Variants in SPEG observed in about 807,000 individuals in gnomAD.
SPEG encodes striated muscle preferentially expressed protein kinase.
SPEG carries 114 observed loss-of-function variants against 300.4 expected under a neutral mutation model. The observed-to-expected ratio is 0.38, with a 90% confidence interval of 0.33 to 0.44. The LOEUF (loss-of-function observed/expected upper bound fraction) is 0.44, where lower values mean the gene tolerates loss of function less well. SPEG is among the 20% of genes least tolerant of loss of function. SPEG has a pLI of 1.00. For synonymous variants in SPEG, 1,964 were observed against 2,018.9 expected, an observed-to-expected ratio of 0.97 and a Z score of 0.73; for missense variants, 4,201 against 4,586.2, an observed-to-expected ratio of 0.92 and a Z score of 2.43.
At chr2:219,462,690 T>C (rs895170547) in intron 8 of SPEG, among the ~76,000 whole-genome samples, 15 of 152,210 alleles carry the variant, frequency 9.9e-5, no homozygotes, top group Non-Finnish European at 2.2e-4. Context: ...GTGAGGCGAA[T>C]GGATCACTTG....
At chr2:219,471,398 G>A (rs2125481886) in intron 13 of SPEG, among the ~76,000 whole-genome samples, 1 of 152,288 alleles carries the variant, frequency 6.6e-6, no homozygotes, top group South Asian at 2.1e-4. Context: ...TCCTCCTGGA[G>A]GGCTTCCCTG....
In SPEG at chr2:219,480,540, TCCTGTG is replaced by T; in HGVS notation, c.5343-128_5343-123del. On this transcript the variant is annotated intron_variant, in intron 25 of 40. Transcript: ENST00000312358. This position sits in a 1 kb window ranked among gnomAD's most constrained non-coding sequence, Gnocchi z 5.3. The stretch of plus-strand genomic sequence containing the variant: ...TCAGGGTCCTCCCTGAAGAAGCCAC[TCCTGTG>T]CCCATTGTCCATGGCAGTGTTCCCA... 1.1e-6 allele frequency: 1 copy of T among 922,054 alleles called. No individual in the cohort carries two copies. Among genetic ancestry groups the T allele is most frequent in the Non-Finnish European group, 1.8e-6 (1 of 562,856 alleles). The allele number at this position is 922,054 out of a possible 1,614,324, so 57.1% of individuals were successfully genotyped here.
In SPEG at chr2:219,492,672, G is replaced by A; in HGVS notation, c.9690G>A (p.Thr3230=). ...ACCTGATGAAGCTGCGCCGCCAGAC[G>A]CTCACCTTCACCACCAACCGGCTCA... ...DAYLMKLRRQ[T]LTFTTNRLKE... is the part of the protein sequence containing the mutation. Residue 3230 remains threonine, a synonymous_variant, in exon 41 of 41, where the codon ACG becomes ACA. Coordinates refer to ENST00000312358, the MANE Select transcript of SPEG (RefSeq NM_005876.5). The A allele has an allele frequency of 3.7e-6, 6 of 1,610,544 alleles. No individual in the cohort carries two copies. The highest frequency in any genetic ancestry group is 3.4e-6 in the Non-Finnish European group (4 of 1,179,960).
In SPEG at chr2:219,451,324, G is replaced by T. The variant is rs777264855; in HGVS notation, c.2257+45G>T. The T allele has an allele frequency of 1.3e-6, 2 of 1,560,162 alleles. No individual in the cohort carries two copies. Among genetic ancestry groups the T allele is most frequent in the East Asian group, 4.6e-5 (2 of 43,762 alleles). ...CAAGGTGCGGTCGAGGTTGGGAGGG[G>T]GTGTGTGAGAAGGGAAGGGGAGGTT... On this transcript the variant is annotated intron_variant, in intron 5 of 40. Transcript: ENST00000312358. The surrounding 1 kb of genome is among the most constrained non-coding windows in gnomAD (Gnocchi z 6.4).
At chr2:219,468,470 C>T in intron 10 of SPEG, 108 bp from the exon 11 acceptor site, 2 of 1,296,950 alleles carry the variant, frequency 1.5e-6, no homozygotes, top group South Asian at 1.4e-5. Flanking sequence ...CTTTGCTGGG[C>T]TCTGCCCAGG....
At position 219,489,106 on chromosome 2, in the gene SPEG, C is replaced by T. The variant is rs754183008; in HGVS notation, c.8202C>T (p.Asn2734=). The stretch of plus-strand genomic sequence containing the variant: ...CAGGCATCCCCGACTGTTACTACAA[C>T]GTGACCCACCTGCCAGTTGGCGTGA... The part of the protein sequence containing the change: ...VSSGIPDCYY[N]VTHLPVGVTV... The change falls in exon 35 of 41, where the codon AAC becomes AAT. Residue 2734 remains asparagine, a synonymous_variant. Transcript: ENST00000312358. The T allele has an allele frequency of 1.3e-5, 21 of 1,613,872 alleles. No individual in the cohort carries two copies. Among genetic ancestry groups the T allele is most frequent in the East Asian group, 4.5e-5 (2 of 44,894 alleles).
Position 219,488,636 on chromosome 2 carries a change from T to A in SPEG, c.7997T>A (p.Ile2666Asn). 1 of 1,608,966 alleles carries A rather than the reference T, an allele frequency of 6.2e-7. No homozygotes were observed. The highest frequency in any genetic ancestry group is 8.5e-7 in the Non-Finnish European group (1 of 1,177,316). ...ECSATNVLGS[I>N]TSSCTVAVAR... is the part of the protein sequence containing the mutation. ...TCGGCCACCAACGTACTGGGCAGCATCACCAGCTCCTGTACCGTGGCTGTG... is the reference window on the plus strand; with the variant it reads ...TCGGCCACCAACGTACTGGGCAGCAACACCAGCTCCTGTACCGTGGCTGTG... Residue 2666 changes from isoleucine (I) to asparagine (N), a missense_variant, in exon 33 of 41, where the codon ATC (isoleucine) becomes AAC (asparagine). Ile to Asn is a moderately radical substitution (Grantham distance 149). This residue lies in a region of SPEG where 1,578 missense variants were observed against 1,506.0 expected (regional missense o/e 1.05). Transcript: ENST00000312358.
At chr2:219,487,022 C>T (rs932130827) in intron 31 of SPEG, among the ~76,000 whole-genome samples, 2 of 152,122 alleles carry the variant, frequency 1.3e-5, no homozygotes, top group Non-Finnish European at 2.9e-5. Flanking sequence ...CCCCACAATT[C>T]TTCAGACAGG....
At position 219,493,251 on chromosome 2, in the gene SPEG, G is replaced by A. The variant is rs572118925; in HGVS notation, c.*465G>A. 57 of 361,188 alleles carry A rather than the reference G, an allele frequency of 1.6e-4. No individual in the cohort carries two copies. Among genetic ancestry groups the A allele is most frequent in the Non-Finnish European group, 2.7e-4 (49 of 183,630 alleles). The allele number at this position is 361,188 out of a possible 1,614,324, so 22.4% of individuals were successfully genotyped here. Reference sequence around the variant, plus strand: ...GCGGGGGCAGGACACAGATACAGTGGCAGGGGCCCAGGGCTGGGACATGAG... The same window carrying A: ...GCGGGGGCAGGACACAGATACAGTGACAGGGGCCCAGGGCTGGGACATGAG... On this transcript the variant is annotated 3_prime_UTR_variant, in exon 41 of 41. Coordinates refer to ENST00000312358, the MANE Select transcript of SPEG (RefSeq NM_005876.5).
intron 31 of SPEG, 108 bp from the exon 32 acceptor site, chr2:219,488,086 T>G: frequency 1.4e-6 from 1 of 712,410 alleles, no homozygotes; most frequent in Non-Finnish European, 2.4e-6. Flanking sequence ...AGAGACAAAG[T>G]TTCATGCTGC....
At chr2:219,466,420 T>C in intron 9 of SPEG, 1 of 1,289,432 alleles carries the variant, frequency 7.8e-7, no homozygotes, top group Non-Finnish European at 9.9e-7. Flanking sequence ...GTCTATCTGT[T>C]TGTCTGTCTG....
rs201860759 is a variant in SPEG at position 219,469,060 on chromosome 2, G to A, written c.3491+12G>A. ...GCCTCAGGCCCCAGGTACCACCGGG[G>A]CCCCAAATGATGCTGGGGCTGCCTG... On this transcript the variant is annotated intron_variant, in intron 12 of 40. Transcript: ENST00000312358. The A allele has an allele frequency of 5.0e-6, 8 of 1,610,076 alleles. No individual in the cohort carries two copies. In the Admixed American group the frequency reaches 6.7e-5, roughly 13 times the overall value.
rs1693075646 is a variant in SPEG at position 219,483,598 on chromosome 2, C to T, written c.6135C>T (p.Ser2045=). The change falls in exon 30 of 41, where the codon AGC becomes AGT. Residue 2045 remains serine (S), a synonymous_variant. Transcript: ENST00000312358. The stretch of plus-strand genomic sequence containing the variant: ...CTGTGGAGCTGCCGCAGCGCCGGAG[C>T]CCCAGCCCGGGAGCCACCCGCCTGG... ...AASVELPQRR[S]PSPGATRLAR... is the part of the protein sequence containing the mutation. The T allele has an allele frequency of 6.7e-7, 1 of 1,491,250 alleles. No individual in the cohort carries two copies. Among genetic ancestry groups the T allele is most frequent in the Non-Finnish European group, 8.8e-7 (1 of 1,130,076 alleles). 92.4% of individuals were successfully genotyped at this position (1,491,250 alleles called of 1,614,324 possible).
chr2:219,468,769 C>A (rs1264318502), intron 11 of SPEG, 33 bp downstream of exon 11: 19 of 1,611,520 alleles, frequency 1.2e-5, no homozygotes, highest in Non-Finnish European at 1.6e-5. Context: ...GTTGAGGGCC[C>A]CCCCAAGGGC....
Position 219,451,719 on chromosome 2 carries a change from C to T in SPEG, c.2352C>T (p.Ala784=), listed in dbSNP as rs1204830592. The T allele has an allele frequency of 6.4e-7, 1 of 1,565,902 alleles. No homozygotes were observed. Residue 784 remains alanine (A), a synonymous_variant, in exon 6 of 41, where the codon GCC becomes GCT. Coordinates refer to ENST00000312358, the MANE Select transcript of SPEG (RefSeq NM_005876.5). This position sits in a 1 kb window ranked among gnomAD's most constrained non-coding sequence, Gnocchi z 6.4. The part of the protein sequence containing the change: ...GERHTLLLRE[A]RAADAGSYMA... Reference sequence around the variant, plus strand: ...GGCACACCCTGCTGCTCAGGGAGGCCAGGGCAGCAGATGCCGGGAGCTATA... The same window carrying T: ...GGCACACCCTGCTGCTCAGGGAGGCTAGGGCAGCAGATGCCGGGAGCTATA...
chr2:219,448,503 AC>A lies in SPEG; in HGVS notation c.1350del (p.Ala452ProfsTer97), dbSNP rs1325506405. On this transcript the variant is annotated frameshift_variant, in exon 4 of 41. Transcript: ENST00000312358. LOFTEE classifies it high-confidence loss of function. ...GTCGGAGCGCGGCGCACCGTGGGGC[AC>A]CCCCGGGGCCTCGCAGGAAGAACTG... ...PKSERGAPWG[T>X]PGASQEELRA... 2.1e-6 allele frequency: 3 copies of A among 1,454,848 alleles called. No individual in the cohort carries two copies. Among genetic ancestry groups the A allele is most frequent in the South Asian group, 1.4e-5 (1 of 73,498 alleles). 90.1% of individuals were successfully genotyped at this position (1,454,848 alleles called of 1,614,324 possible).
rs1283304856 is a variant in SPEG at position 219,492,189 on chromosome 2, C to A, written c.9540C>A (p.Ala3180=). 1.2e-6 allele frequency: 2 copies of A among 1,613,650 alleles called. No individual in the cohort carries two copies. Among genetic ancestry groups the A allele is most frequent in the East Asian group, 4.5e-5 (2 of 44,890 alleles). Residue 3180 remains alanine (A), a synonymous_variant, in exon 40 of 41, where the codon GCC becomes GCA. Coordinates refer to ENST00000312358, the MANE Select transcript of SPEG (RefSeq NM_005876.5). Reference sequence around the variant, plus strand: ...GGATTGTGGGGGGCCGCTTTGATGCCTTCCAGCTGTACCCCAATACATCCC... The same window carrying A: ...GGATTGTGGGGGGCCGCTTTGATGCATTCCAGCTGTACCCCAATACATCCC... ...EARIVGGRFD[A]FQLYPNTSQS...
intron 6 of SPEG, chr2:219,461,568 A>C: frequency 8.4e-7 from 1 of 1,196,762 alleles, no homozygotes; most frequent in South Asian, 2.3e-5. Flanking sequence ...GCCCTGCTCC[A>C]GTGGAATTCT....
rs1035687612 is a variant in SPEG, at chr2:219,451,380, AAG to A, written c.2257+104_2257+105del. The stretch of plus-strand genomic sequence containing the variant: ...GGACTCCTCCAAGGGAGGGGTGGGA[AAG>A]AGGGGAATTATCCCCTCCACGGGGG... On this transcript the variant is annotated intron_variant, in intron 5 of 40. Coordinates refer to ENST00000312358, the MANE Select transcript of SPEG (RefSeq NM_005876.5). The surrounding 1 kb of genome is among the most constrained non-coding windows in gnomAD (Gnocchi z 6.4). 9.7e-6 allele frequency: 14 copies of A among 1,448,330 alleles called. No individual in the cohort carries two copies. The highest frequency in any genetic ancestry group is 1.3e-5 in the Non-Finnish European group (14 of 1,088,682). 89.7% of individuals were successfully genotyped at this position (1,448,330 alleles called of 1,614,324 possible).
Sources: gnomAD v4.1 joint callset for allele counts (sites outside exome capture counted in the v4.1 genomes callset) on GRCh38, gnomAD v4.1.1 for gene constraint, gnomAD v4.1.1 regional missense constraint, Gnocchi (gnomAD v3.1) non-coding constraint, MANE v1.5 for transcripts, NCBI Gene and HGNC (gene_info 2026-07-23, HGNC 2026-07-21) for gene names.